Variants in C1orf94 observed in about 807,000 individuals in gnomAD.
The protein encoded by C1orf94 is chromosome 1 open reading frame 94, also known as uncharacterized protein C1orf94.
C1orf94 carries 45 observed loss-of-function variants against 53.6 expected under a neutral mutation model. The observed-to-expected ratio is 0.84, with a 90% CI of 0.66 to 1.08. C1orf94 has a LOEUF of 1.08. Ranked by LOEUF, C1orf94 falls within the 50% of genes least tolerant of loss-of-function variation. C1orf94 has a pLI of 0.00. For synonymous variants in C1orf94, 304 were observed against 296.1 expected (o/e 1.03, Z -0.27); for missense variants, 762 against 738.9 (o/e 1.03, Z -0.36).
intron 4 of C1orf94, 101 bp from the exon 5 acceptor site, chr1:34,208,056 A>T (rs1488310740): frequency 1.7e-6 from 2 of 1,190,388 alleles, no homozygotes; most frequent in Admixed American, 4.0e-5. Flanking sequence ...CAGCAATGTG[A>T]TGGGACAAAC....
Position 34,177,298 on chromosome 1 carries a change from C to A in C1orf94, c.-492C>A, listed in dbSNP as rs1190807729. On this transcript the variant is annotated 5_prime_UTR_variant, in exon 1 of 7. Transcript: ENST00000488417. ...GGCTCCCTGGGAACGCCCAGGCGAG[C>A]GCCTCCTGCGGGGCCCCGCCCCCCG... Among the ~76,000 whole-genome samples the A allele has an allele frequency of 1.3e-5, 2 of 152,202 alleles. No individual in the cohort carries two copies. Among genetic ancestry groups the A allele is most frequent in the African/African-American group, 2.4e-5 (1 of 41,454 alleles).
intron 2 of C1orf94, among the ~76,000 whole-genome samples, chr1:34,200,028 G>A (rs1173210243): frequency 6.6e-6 from 1 of 152,136 alleles, no homozygotes; most frequent in Non-Finnish European, 1.5e-5. Flanking sequence ...GGCTATTTCT[G>A]GGCATGTCTC....
At chr1:34,189,961 C>T in intron 1 of C1orf94, among the ~76,000 whole-genome samples, 1 of 152,180 alleles carries the variant, frequency 6.6e-6, no homozygotes, top group East Asian at 1.9e-4. Flanking sequence ...CCTTCTTCCA[C>T]TCTTAGGGGA....
intron 1 of C1orf94, among the ~76,000 whole-genome samples, chr1:34,171,368 G>A (rs1571331494): frequency 6.6e-6 from 1 of 152,324 alleles, no homozygotes; most frequent in East Asian, 1.9e-4. Flanking sequence ...CCAGGTGACA[G>A]TTCTTACAAG....
chr1:34,185,538 A>T (rs1016246302), intron 1 of C1orf94, among the ~76,000 whole-genome samples: 3 of 152,024 alleles, frequency 2.0e-5, no homozygotes, highest in Non-Finnish European at 4.4e-5. Flanking sequence ...ATTGACACTG[A>T]TGCACCCCTG....
At chr1:34,190,475 A>G (rs116773134) in intron 1 of C1orf94, among the ~76,000 whole-genome samples, 2 of 152,172 alleles carry the variant, frequency 1.3e-5, no homozygotes, top group African/African-American at 2.4e-5. Context: ...TTCCCTCCTC[A>G]TGGTCTTTGC....
chr1:34,191,645 G>C (rs1173531408), intron 1 of C1orf94, among the ~76,000 whole-genome samples: 1 of 152,182 alleles, frequency 6.6e-6, no homozygotes, highest in Admixed American at 6.5e-5. Flanking sequence ...CTTGGGTACT[G>C]TGTTTGTCAT....
chr1:34,193,327 A>G (rs1433686184), intron 1 of C1orf94, among the ~76,000 whole-genome samples: 1 of 152,078 alleles, frequency 6.6e-6, no homozygotes, highest in African/African-American at 2.4e-5. Flanking sequence ...TTCTATTTGT[A>G]AATTGGCGGA....
rs1382602 is a variant in C1orf94, at chr1:34,197,607, C to G, written c.703C>G (p.Gln235Glu). 0.28 allele frequency: 451,436 copies of G among 1,613,884 alleles called. 71,449 individuals are homozygous for G. Among genetic ancestry groups the G allele is most frequent in the African/African-American group, 0.7 (52,316 of 74,946 alleles). The change falls in exon 2 of 7, where the codon CAA (glutamine) becomes GAA (glutamate). Residue 235 changes from glutamine (Q) to glutamate (E), a missense_variant. By Grantham distance (29) the Gln-to-Glu change is conservative. Transcript: ENST00000488417. The surrounding 1 kb of genome is among the most constrained non-coding windows in gnomAD (Gnocchi z 4.1). ...CCGCATCCTAGGTGACTCCAACTTG[C>G]AAGTCAGCAAGCTTCTGTCCCAGTT... is the stretch of plus-strand genomic sequence containing the variant. ...RGRILGDSNL[Q>E]VSKLLSQFPL...
intron 6 of C1orf94, among the ~76,000 whole-genome samples, chr1:34,216,026 C>G (rs1487173809): frequency 5.9e-5 from 9 of 151,926 alleles, no homozygotes; most frequent in South Asian, 2.1e-4. Flanking sequence ...CAAAATAAAA[C>G]AAACAAACAA....
At chr1:34,173,375 G>A (rs757107285), upstream of C1orf94, among the ~76,000 whole-genome samples, 59 of 152,198 alleles carry the variant, frequency 3.9e-4, no homozygotes, top group Non-Finnish European at 2.1e-4. Flanking sequence ...GGACCTACAA[G>A]AGTAAGCAGC....
intron 1 of C1orf94, among the ~76,000 whole-genome samples, chr1:34,170,758 C>G (rs1385136507): frequency 1.5e-4 from 23 of 149,194 alleles, no homozygotes; most frequent in Non-Finnish European, 5.9e-5. Flanking sequence ...TTCTCCACCC[C>G]AGCCTGCCTC....
intron 1 of C1orf94, among the ~76,000 whole-genome samples, chr1:34,181,699 T>C (rs916760884): frequency 6.6e-6 from 1 of 152,234 alleles, no homozygotes; most frequent in East Asian, 1.9e-4. Flanking sequence ...AGGAGACCCA[T>C]AAGAAACACA....
intron 1 of C1orf94, among the ~76,000 whole-genome samples, chr1:34,191,712 C>T (rs973453191): frequency 1.3e-5 from 2 of 152,120 alleles, no homozygotes; most frequent in Non-Finnish European, 2.9e-5. Context: ...TCCTCCAGCA[C>T]TAACAATTTT....
Position 34,167,346 on chromosome 1 carries a change from TG to T in C1orf94, c.-251+178del, listed in dbSNP as rs538054077. On this transcript the variant is annotated intron_variant, in intron 1 of 6. Coordinates refer to the C1orf94 transcript ENST00000373374. ...GCCCACAGCTGGGCAGAAGAGAGTC[TG>T]GGCTGCTCTGTAATTCTGGGGCTGC... Among the ~76,000 whole-genome samples the T allele has an allele frequency of 5.3e-5, 8 of 152,266 alleles. No individual in the cohort carries two copies. In the South Asian group the frequency reaches 1.7e-3, roughly 32 times the overall value.
At chr1:34,217,390 C>G (rs567476689) in intron 6 of C1orf94, among the ~76,000 whole-genome samples, 1 of 152,264 alleles carries the variant, frequency 6.6e-6, no homozygotes, top group Non-Finnish European at 1.5e-5. Context: ...TTGTTAAATA[C>G]TGAAGTATGG....
chr1:34,168,383 A>T (rs902999164), intron 1 of C1orf94, among the ~76,000 whole-genome samples: 3 of 152,052 alleles, frequency 2.0e-5, no homozygotes, highest in Non-Finnish European at 4.4e-5. Context: ...GCAAGGCTGT[A>T]AAAAGGAAAG....
At position 34,207,041 on chromosome 1, in the gene C1orf94, C is replaced by A. The variant is rs61261451; in HGVS notation, c.1447-1116C>A. Among the ~76,000 whole-genome samples, 989 of 152,206 alleles carry A rather than the reference C, an allele frequency of 6.5e-3. 9 individuals carry two copies. The highest frequency in any genetic ancestry group is 0.023 in the African/African-American group (951 of 41,512). On this transcript the variant is annotated intron_variant, in intron 4 of 6. Transcript: ENST00000488417. ...GAAAGTCCACAGGCCATGAGGGAAC[C>A]CTCAAGGGTGTAGGGTCAGCCATCA...
At chr1:34,209,872 T>C (rs1453714617) in intron 5 of C1orf94, among the ~76,000 whole-genome samples, 1 of 152,212 alleles carries the variant, frequency 6.6e-6, no homozygotes, top group African/African-American at 2.4e-5. Flanking sequence ...TATGCATGCA[T>C]GCATGTGTAT....
Sources: gnomAD v4.1 joint callset for allele counts (sites outside exome capture counted in the v4.1 genomes callset) on GRCh38, gnomAD v4.1.1 for gene constraint, Gnocchi (gnomAD v3.1) non-coding constraint, MANE v1.5 for transcripts, NCBI Gene and HGNC (gene_info 2026-07-23, HGNC 2026-07-21) for gene names.